AMD1: variants seen among roughly 807,000 people sequenced by gnomAD.
AMD1 encodes the protein S-adenosylmethionine decarboxylase proenzyme.
AMD1 carries 11 observed loss-of-function variants against 40.2 expected under a neutral mutation model. The ratio of observed to expected loss-of-function variants is 0.27; its 90% CI spans 0.17 to 0.45. The LOEUF (loss-of-function observed/expected upper bound fraction) is 0.45. Among genes scored for constraint, AMD1 ranks in the 20% least tolerant of loss-of-function variants. The probability of loss-of-function intolerance (pLI) is 1.00; values close to 1 mark genes in which losing one functional copy is unlikely to be tolerated. For synonymous variants in AMD1, 121 were observed against 130.8 expected, an observed-to-expected ratio of 0.93 and a Z score of 0.51; for missense variants, 257 against 410.2, an observed-to-expected ratio of 0.63 and a Z score of 3.23.
chr6:110,827,828 G>C, the AMD1 span, among the ~76,000 whole-genome samples: 1 of 151,340 alleles, frequency 6.6e-6, no homozygotes, highest in Non-Finnish European at 1.5e-5. Flanking sequence ...TCTTTTAGTG[G>C]TATTACTCTA....
chr6:110,873,692 G>C (rs879511364), upstream of AMD1, among the ~76,000 whole-genome samples: 1 of 152,100 alleles, frequency 6.6e-6, no homozygotes, highest in African/African-American at 2.4e-5. Flanking sequence ...TTTGCCATCT[G>C]AGGTTAAACT....
At chr6:110,881,671 A>T (rs1169129931) in intron 1 of AMD1, among the ~76,000 whole-genome samples, 1 of 151,976 alleles carries the variant, frequency 6.6e-6, no homozygotes, top group Admixed American at 6.6e-5. Flanking sequence ...CAAAAAAAAA[A>T]TTAGCCTGAC....
chr6:110,861,757 G>T, the AMD1 span, among the ~76,000 whole-genome samples: 4 of 150,964 alleles, frequency 2.6e-5, no homozygotes, highest in African/African-American at 9.7e-5. Context: ...CAGGAGAATT[G>T]CTTGAACCTG....
intron 2 of AMD1, chr6:110,888,516 T>C (rs1160342585): frequency 1.3e-5 from 2 of 155,372 alleles, no homozygotes; most frequent in Non-Finnish European, 2.8e-5. Flanking sequence ...TTCATCATCT[T>C]GGCCAGGCTG....
chr6:110,816,773 A>AC, the AMD1 span, among the ~76,000 whole-genome samples: 6 of 152,218 alleles, frequency 3.9e-5, no homozygotes, highest in African/African-American at 1.4e-4. Context: ...TTTGTTTTGA[A>AC]GAGACTGGCC....
the AMD1 span, chr6:110,814,715 C>T: frequency 1.7e-6 from 1 of 602,712 alleles, no homozygotes; most frequent in Non-Finnish European, 3.1e-6. Context: ...TCCTCCACCG[C>T]GGTCCCAACT....
At chr6:110,850,105 G>A in the AMD1 span, among the ~76,000 whole-genome samples, 2 of 150,756 alleles carry the variant, frequency 1.3e-5, no homozygotes, top group African/African-American at 4.9e-5. Context: ...CCACAATAAC[G>A]TTAAAAGAGC....
chr6:110,889,357 G>A, intron 3 of AMD1: 1 of 156,056 alleles, frequency 6.4e-6, no homozygotes, highest in Non-Finnish European at 1.4e-5. Context: ...GCAACAGTCA[G>A]TATTGAGTTA....
the AMD1 span, among the ~76,000 whole-genome samples, chr6:110,861,393 G>C: frequency 6.7e-6 from 1 of 148,496 alleles, no homozygotes; most frequent in South Asian, 2.1e-4. Context: ...ATGTAGTGGC[G>C]TGTGCCTGTG....
rs765390945 is a variant in AMD1, at chr6:110,890,231, CTTTCT to C, written c.325-14_325-10del. On this transcript the variant is annotated intron_variant, in intron 3 of 8. Transcript: ENST00000368885. ...TACATCTAAAGTCATCTTTTTTTTT[CTTTCT>C]TTTCTTTTTTAATAAAGAGCTTCTT... 5 of 1,456,530 alleles carry C rather than the reference CTTTCT, an allele frequency of 3.4e-6. No homozygotes were observed. Among genetic ancestry groups the C allele is most frequent in the Non-Finnish European group, 4.7e-6 (5 of 1,074,978 alleles). The allele number at this position is 1,456,530 out of a possible 1,614,324, so 90.2% of individuals were successfully genotyped here.
the AMD1 span, chr6:110,856,277 T>G: frequency 6.6e-6 from 1 of 152,104 alleles, no homozygotes; most frequent in Non-Finnish European, 1.5e-5. Context: ...GATTTCCTCA[T>G]TTATGAGCAT....
chr6:110,845,773 C>G, the AMD1 span, among the ~76,000 whole-genome samples: 1 of 152,200 alleles, frequency 6.6e-6, no homozygotes, highest in Non-Finnish European at 1.5e-5. Context: ...AGCTTGCAGA[C>G]AGCCTACTGT....
intron 1 of AMD1, among the ~76,000 whole-genome samples, chr6:110,884,392 A>T (rs1457122649): frequency 6.6e-6 from 1 of 152,248 alleles, no homozygotes; most frequent in African/African-American, 2.4e-5. Context: ...CCTCAAGGTG[A>T]CATGGACCAA....
the AMD1 span, among the ~76,000 whole-genome samples, chr6:110,816,218 G>C: frequency 6.6e-6 from 1 of 152,180 alleles, no homozygotes; most frequent in African/African-American, 2.4e-5. Context: ...CCATAACCAG[G>C]CTTTGGCCAT....
chr6:110,871,732 T>C (rs564562512), upstream of AMD1, among the ~76,000 whole-genome samples: 1 of 152,340 alleles, frequency 6.6e-6, no homozygotes, highest in South Asian at 2.1e-4. Flanking sequence ...TTTCTAATAA[T>C]GTTAGCTTCT....
chr6:110,817,493 C>T, the AMD1 span, among the ~76,000 whole-genome samples: 296 of 152,146 alleles, frequency 1.9e-3, no homozygotes, highest in Middle Eastern at 6.8e-3. Flanking sequence ...TCTGTAGTCC[C>T]ATTTACTCGG....
At chr6:110,886,222 CAAAAA>C (rs34012901) in intron 1 of AMD1, among the ~76,000 whole-genome samples, 18 of 139,094 alleles carry the variant, frequency 1.3e-4, no homozygotes, top group Non-Finnish European at 2.5e-4. Context: ...GACTCAGTCT[CAAAAA>C]AAAAAAAAAA....
At chr6:110,866,371 C>T in the AMD1 span, among the ~76,000 whole-genome samples, 52 of 152,286 alleles carry the variant, frequency 3.4e-4, no homozygotes, top group African/African-American at 1.2e-3. Flanking sequence ...TGAAGGTTCA[C>T]TGAAAATCAC....
chr6:110,828,730 A>G, the AMD1 span, among the ~76,000 whole-genome samples: 1 of 152,208 alleles, frequency 6.6e-6, no homozygotes, highest in East Asian at 1.9e-4. Flanking sequence ...CTCTTACCAC[A>G]GTCTAATCTA....
Sources: gnomAD v4.1 joint callset for allele counts (sites outside exome capture counted in the v4.1 genomes callset) on GRCh38, gnomAD v4.1.1 for gene constraint, MANE v1.5 for transcripts, NCBI Gene and HGNC (gene_info 2026-07-23, HGNC 2026-07-21) for gene names.